The following MIDN variants were observed in gnomAD, a reference collection of about 807,000 sequenced individuals.
The protein encoded by MIDN is midnolin.
MIDN carries 26 observed loss-of-function variants against 46.1 expected under a neutral mutation model. The observed-to-expected ratio is 0.56, with a 90% CI of 0.41 to 0.78. The LOEUF is 0.78. Ranked by LOEUF, MIDN falls within the 30% of genes least tolerant of loss-of-function variation. The probability of loss-of-function intolerance (pLI) is 0.00; values close to 1 mark genes in which losing one functional copy is unlikely to be tolerated. For synonymous variants in MIDN, 432 were observed against 343.3 expected (o/e 1.26, Z -2.86); for missense variants, 850 against 771.8 (o/e 1.10, Z -1.20).
intron 4 of MIDN, chr19:1,253,696 A>T (rs73494667): frequency 8.9e-6 from 2 of 224,668 alleles, no homozygotes; most frequent in Non-Finnish European, 1.8e-5. Flanking sequence ...GGACAGAAGA[A>T]TTCGTGCAGG....
Position 1,258,555 on chromosome 19 carries a change from T to TTCC in MIDN, c.*1286_*1288dup, listed in dbSNP as rs2081229765. 6.6e-6 allele frequency: 1 copy of TTCC among 152,410 alleles called. No homozygotes were observed. Among genetic ancestry groups the TTCC allele is most frequent in the Non-Finnish European group, 1.5e-5 (1 of 68,020 alleles). 9.4% of individuals were successfully genotyped at this position (152,410 alleles called of 1,614,324 possible). On this transcript the variant is annotated 3_prime_UTR_variant, in exon 9 of 9. Coordinates refer to ENST00000682408, the MANE Select transcript of MIDN (RefSeq NM_001388306.1). ...AATGATAATGGAGATGTCTGGACCC[T>TTCC]TCCTCACCCCACCTGTCGGTCTTGT...
At position 1,249,910 on chromosome 19, in the gene MIDN, G is replaced by A. The variant is rs1045601823; in HGVS notation, c.-387G>A. Reference sequence around the variant, plus strand: ...CCCAGATCCTCCGAGCGGCGGCGACGGCTGTTGCTAAGGGAGGGGACGCGC... The same window carrying A: ...CCCAGATCCTCCGAGCGGCGGCGACAGCTGTTGCTAAGGGAGGGGACGCGC... On this transcript the variant is annotated 5_prime_UTR_variant, in exon 2 of 9. Coordinates refer to ENST00000682408, the MANE Select transcript of MIDN (RefSeq NM_001388306.1). The A allele has an allele frequency of 2.6e-5, 4 of 151,844 alleles. No homozygotes were observed. The highest frequency in any genetic ancestry group is 9.7e-5 in the African/African-American group (4 of 41,334). 9.4% of individuals were successfully genotyped at this position (151,844 alleles called of 1,614,324 possible).
chr19:1,251,611 A>G lies in MIDN; in HGVS notation c.283A>G (p.Lys95Glu). The change falls in exon 3 of 9, where the codon AAG becomes GAG. Residue 95 changes from lysine (K) to glutamate (E), a missense_variant. Coordinates refer to ENST00000682408, the MANE Select transcript of MIDN (RefSeq NM_001388306.1). ...GGAGTTCGGCGTGGGTGATGGCAGCAAGCTGACCTTGGTACCCACCGTGGA... is the reference window on the plus strand; with the variant it reads ...GGAGTTCGGCGTGGGTGATGGCAGCGAGCTGACCTTGGTACCCACCGTGGA... ...LQEFGVGDGS[K>E]LTLVPTVEAG... 1 of 1,607,054 alleles carries G rather than the reference A, an allele frequency of 6.2e-7. No homozygotes were observed. Among genetic ancestry groups the G allele is most frequent in the Non-Finnish European group, 8.5e-7 (1 of 1,177,716 alleles).
chr19:1,255,368 T>C, intron 7 of MIDN, 54 bp from the exon 8 acceptor site: 2 of 1,520,114 alleles, frequency 1.3e-6, no homozygotes, highest in Admixed American at 4.0e-5. Flanking sequence ...ACGCCCGTCC[T>C]GGACATGCGG....
At position 1,248,666 on chromosome 19, in the gene MIDN, T is replaced by A. The variant is rs919444106; in HGVS notation, c.-408+6T>A. 1 of 151,804 alleles carries A rather than the reference T, an allele frequency of 6.6e-6. No individual in the cohort carries two copies. The highest frequency in any genetic ancestry group is 1.5e-5 in the Non-Finnish European group (1 of 68,138). 9.4% of individuals were successfully genotyped at this position (151,804 alleles called of 1,614,324 possible). ...CGCAGAACCGGCCGCGCCCGGTGAG[T>A]GTGGAGGGGGGGGACCTGCGGGCCG... On this transcript the variant is annotated splice_donor_region_variant and intron_variant, in intron 1 of 8. Transcript: ENST00000682408.
chr19:1,255,300 G>C, intron 7 of MIDN, 122 bp from the exon 8 acceptor site: 1 of 1,324,912 alleles, frequency 7.5e-7, no homozygotes, highest in Non-Finnish European at 1.0e-6. Context: ...GTGGTCCCTC[G>C]TGCACATCAG....
In MIDN at chr19:1,257,361, TGGAG is replaced by T; in HGVS notation, c.*92_*95del. The stretch of plus-strand genomic sequence containing the variant: ...CCCCGGAGAGAACGTGGCCCAGCCC[TGGAG>T]GGCAGGCGGCCACTCCCCCAGCCAG... On this transcript the variant is annotated 3_prime_UTR_variant, in exon 9 of 9. Coordinates refer to ENST00000682408, the MANE Select transcript of MIDN (RefSeq NM_001388306.1). 1 of 1,083,440 alleles carries T rather than the reference TGGAG, an allele frequency of 9.2e-7. No homozygotes were observed. The highest frequency in any genetic ancestry group is 1.4e-5 in the South Asian group (1 of 72,138). 67.1% of individuals were successfully genotyped at this position (1,083,440 alleles called of 1,614,324 possible).
At position 1,250,310 on chromosome 19, in the gene MIDN, C is replaced by G. The variant is rs982104669; in HGVS notation, c.14C>G (p.Pro5Arg). 1.0e-6 allele frequency: 1 copy of G among 990,080 alleles called. No homozygotes were observed. The highest frequency in any genetic ancestry group is 1.2e-6 in the Non-Finnish European group (1 of 834,238). 61.3% of individuals were successfully genotyped at this position (990,080 alleles called of 1,614,324 possible). MEPQPGGARSCRRGA... is the reference protein window; with the variant it reads MEPQRGGARSCRRGA... Reference sequence around the variant, plus strand: ...CGCGCGCCGGGGATGGAGCCGCAGCCCGGCGGCGCCCGGAGCTGCCGGCGC... The same window carrying G: ...CGCGCGCCGGGGATGGAGCCGCAGCGCGGCGGCGCCCGGAGCTGCCGGCGC... The change falls in exon 2 of 9, where the codon CCC becomes CGC. Residue 5 changes from proline (P) to arginine (R), a missense_variant. Transcript: ENST00000682408.
chr19:1,253,578 C>T (rs2081160529), intron 4 of MIDN: 1 of 157,590 alleles, frequency 6.3e-6, no homozygotes, highest in Non-Finnish European at 1.4e-5. Context: ...CCCTCCGGGA[C>T]TCCAGCCCCA....
chr19:1,249,069 C>G (rs1014856249), intron 1 of MIDN, among the ~76,000 whole-genome samples: 12 of 151,556 alleles, frequency 7.9e-5, no homozygotes, highest in African/African-American at 2.7e-4. Context: ...CCCAGGCGGG[C>G]CCGGCAGAGG....
At position 1,250,415 on chromosome 19, in the gene MIDN, G is replaced by A. The variant is rs1307423084; in HGVS notation, c.119G>A (p.Gly40Asp). The A allele has an allele frequency of 1.5e-6, 2 of 1,350,654 alleles. No individual in the cohort carries two copies. The highest frequency in any genetic ancestry group is 1.5e-5 in the African/African-American group (1 of 65,922). The allele number at this position is 1,350,654 out of a possible 1,614,324, so 83.7% of individuals were successfully genotyped here. A position where few individuals can be genotyped will look rare whatever the true frequency, so the allele number is the denominator to read the frequency against. ...PMSLAIHSTT[G>D]TRYDLAVPPD... ...AGCCTCGCCATCCACAGCACCACGGGCACCCGCTACGACCTGGCCGTGCCG... is the reference window on the plus strand; with the variant it reads ...AGCCTCGCCATCCACAGCACCACGGACACCCGCTACGACCTGGCCGTGCCG... Residue 40 changes from glycine to aspartate, a missense_variant, in exon 2 of 9, where the codon GGC (glycine) becomes GAC (aspartate). Coordinates refer to ENST00000682408, the MANE Select transcript of MIDN (RefSeq NM_001388306.1).
At chr19:1,253,019 A>G (rs1160485583) in intron 4 of MIDN, among the ~76,000 whole-genome samples, 1 of 82,200 alleles carries the variant, frequency 1.2e-5, no homozygotes, top group Non-Finnish European at 2.3e-5. Flanking sequence ...CGCCTGCGTC[A>G]GGAAGGAGCT....
chr19:1,252,024 C>G, intron 4 of MIDN, 123 bp downstream of exon 4: 3 of 803,560 alleles, frequency 3.7e-6, no homozygotes, highest in Non-Finnish European at 6.1e-6. Flanking sequence ...GACGCGCCAC[C>G]CCGCCTGGGT....
rs2081187203 is a variant in MIDN, at chr19:1,255,433, C to T, written c.997C>T (p.Pro333Ser). The T allele has an allele frequency of 1.9e-6, 3 of 1,594,262 alleles. No homozygotes were observed. Among genetic ancestry groups the T allele is most frequent in the South Asian group, 2.3e-5 (2 of 88,742 alleles). Residue 333 changes from proline (P) to serine (S), a missense_variant, in exon 8 of 9, where the codon CCC becomes TCC. Transcript: ENST00000682408. ...ACCTCTGCCCGCAGGCACGCTACAC[C>T]CCAACTGCCAAGACAGCAGCGGGCG... is the stretch of plus-strand genomic sequence containing the variant. Reference protein sequence around the residue: ...FSGTFSGTLHPNCQDSSGRPR... With the variant: ...FSGTFSGTLHSNCQDSSGRPR...
intron 6 of MIDN, 88 bp from the exon 7 acceptor site, chr19:1,254,814 C>T (rs886837187): frequency 6.9e-7 from 1 of 1,450,820 alleles, no homozygotes; most frequent in South Asian, 1.3e-5. Flanking sequence ...ATCTCCTGAC[C>T]TGGGCTGGTG....
chr19:1,249,037 C>A (rs547062306), intron 1 of MIDN, among the ~76,000 whole-genome samples: 15 of 152,068 alleles, frequency 9.9e-5, no homozygotes, highest in African/African-American at 3.1e-4. Flanking sequence ...GGCGCCCCCT[C>A]CCCGGGACTC....
Position 1,257,969 on chromosome 19 carries a change from T to TG in MIDN, c.*698dup, listed in dbSNP as rs1416071787. On this transcript the variant is annotated 3_prime_UTR_variant, in exon 9 of 9. Coordinates refer to ENST00000682408, the MANE Select transcript of MIDN (RefSeq NM_001388306.1). ...AAGCTGTTTTAGCAGAGGCTGGGGC[T>TG]GAGGTCCCCATGGGGTTTGGGTGCA... 2 of 152,422 alleles carry TG rather than the reference T, an allele frequency of 1.3e-5. No homozygotes were observed. Among genetic ancestry groups the TG allele is most frequent in the East Asian group, 3.8e-4 (2 of 5,202 alleles). The allele number at this position is 152,422 out of a possible 1,614,324, so 9.4% of individuals were successfully genotyped here. A position where few individuals can be genotyped will look rare whatever the true frequency, so the allele number is the denominator to read the frequency against.
rs2081233823 is a variant in MIDN at position 1,258,853 on chromosome 19, A to G, written c.*1581A>G. On this transcript the variant is annotated 3_prime_UTR_variant, in exon 9 of 9. Transcript: ENST00000682408. Reference sequence around the variant, plus strand: ...TAAAAGGGGCGGGTTTGTTTTTTGAAGAACTGTCTTGGATACCTATTTAAA... The same window carrying G: ...TAAAAGGGGCGGGTTTGTTTTTTGAGGAACTGTCTTGGATACCTATTTAAA... 6.6e-6 allele frequency: 1 copy of G among 151,990 alleles called. No homozygotes were observed. The highest frequency in any genetic ancestry group is 2.1e-4 in the South Asian group (1 of 4,832). The allele number at this position is 151,990 out of a possible 1,614,324, so 9.4% of individuals were successfully genotyped here.
intron 7 of MIDN, 129 bp from the exon 8 acceptor site, chr19:1,255,293 G>T: frequency 7.8e-7 from 1 of 1,287,822 alleles, no homozygotes; most frequent in Non-Finnish European, 1.0e-6. Context: ...CCGCCCCGTG[G>T]TCCCTCGTGC....
Sources: allele counts gnomAD v4.1 joint callset (sites outside exome capture counted in the v4.1 genomes callset), GRCh38; gene constraint gnomAD v4.1.1; transcripts MANE v1.5; gene names NCBI Gene and HGNC (gene_info 2026-07-23, HGNC 2026-07-21).